The following ARHGAP17 variants were observed in gnomAD, a reference collection of about 807,000 sequenced individuals.
ARHGAP17 encodes the protein Rho GTPase activating protein 17.
ARHGAP17 carries 57 observed loss-of-function variants against 99.5 expected under a neutral mutation model. The ratio of observed to expected loss-of-function variants is 0.57; its 90% confidence interval spans 0.46 to 0.71. The LOEUF (loss-of-function observed/expected upper bound fraction) is 0.71, where lower values mean the gene tolerates loss of function less well. Ranked by LOEUF, ARHGAP17 falls within the 30% of genes least tolerant of loss-of-function variation. ARHGAP17 has a pLI of 0.00. For missense variants in ARHGAP17, 1,000 were observed against 1,122.4 expected (o/e 0.89, Z 1.56); for synonymous variants, 417 against 429.6 (o/e 0.97, Z 0.36).
intron 1 of ARHGAP17, among the ~76,000 whole-genome samples, chr16:25,008,068 T>C (rs2053553232): frequency 6.6e-6 from 1 of 152,200 alleles, no homozygotes; most frequent in African/African-American, 2.4e-5. Flanking sequence ...GTTTCCAACC[T>C]TTGGGAATAT....
chr16:24,930,883 G>A lies in ARHGAP17; in HGVS notation c.2416C>T (p.Arg806Trp), dbSNP rs1385488478. 5.0e-6 allele frequency: 8 copies of A among 1,613,862 alleles called. No homozygotes were observed. Among genetic ancestry groups the A allele is most frequent in the African/African-American group, 2.7e-5 (2 of 74,842 alleles). Residue 806 changes from arginine (R) to tryptophan (W), a missense_variant, in exon 19 of 20, where the codon CGG becomes TGG. Arg to Trp is a moderately radical substitution (Grantham distance 101, BLOSUM62 -3). This residue lies in a region of ARHGAP17 where 528 missense variants were observed against 511.4 expected (regional missense o/e 1.03). Coordinates refer to ENST00000289968, the MANE Select transcript of ARHGAP17 (RefSeq NM_001006634.3). ...RPRPVPKPRN[R>W]PSVPPPPQPP... ...TGGGGGGGTGGGGGCACGCTGGGCC[G>A]GTTCCTTGGCTTTGGTACTGGTCTC...
chr16:25,015,139 T>TTGGGGG, intron 1 of ARHGAP17, 70 bp downstream of exon 1: 1 of 1,195,764 alleles, frequency 8.4e-7, no homozygotes, highest in Non-Finnish European at 1.0e-6. Flanking sequence ...GGAGGAGCCG[T>TTGGGGG]CCCGCCCCCG....
chr16:24,977,483 C>G (rs950899830), intron 2 of ARHGAP17, 164 bp from the exon 3 acceptor site: 50 of 465,288 alleles, frequency 1.1e-4, no homozygotes, highest in Non-Finnish European at 1.7e-4. Context: ...CACACTACAG[C>G]ACCAGAAAAG....
chr16:24,923,784 C>T (rs2050775427), intron 19 of ARHGAP17, among the ~76,000 whole-genome samples: 1 of 150,916 alleles, frequency 6.6e-6, no homozygotes, highest in African/African-American at 2.4e-5. Flanking sequence ...TAACCAGCCT[C>T]AGCCCAAAGG....
At chr16:24,991,971 T>C (rs887442833) in intron 1 of ARHGAP17, among the ~76,000 whole-genome samples, 9 of 152,118 alleles carry the variant, frequency 5.9e-5, no homozygotes, top group Non-Finnish European at 1.2e-4. Context: ...GGGGCACAGA[T>C]AGAAGAGTGA....
At chr16:24,959,544 C>T in intron 9 of ARHGAP17, 127 bp downstream of exon 9, 1 of 839,800 alleles carries the variant, frequency 1.2e-6, no homozygotes, top group Admixed American at 3.2e-5. Context: ...TGCTGGGAAA[C>T]AGTACCCTCC....
At chr16:25,015,009 TGA>T (rs1052560505) in intron 1 of ARHGAP17, among the ~76,000 whole-genome samples, 198 bp downstream of exon 1, 8 of 150,582 alleles carry the variant, frequency 5.3e-5, no homozygotes, top group African/African-American at 2.4e-5. Flanking sequence ...CCGGCGGCGC[TGA>T]GAGACAGGCG....
Position 24,939,349 on chromosome 16 carries a change from A to T in ARHGAP17, c.1724+15T>A. ...GCGTCCAGCCTCCACTGCCAGCAGA[A>T]GTCAGCCTCCTTACCTGCCGTCGCC... On this transcript the variant is annotated intron_variant, in intron 17 of 19. Transcript: ENST00000289968. 2.5e-6 allele frequency: 4 copies of T among 1,580,948 alleles called. No individual in the cohort carries two copies. Among genetic ancestry groups the T allele is most frequent in the Non-Finnish European group, 3.4e-6 (4 of 1,171,254 alleles).
At chr16:24,979,729 G>C (rs1351081373) in intron 1 of ARHGAP17, among the ~76,000 whole-genome samples, 1 of 138,660 alleles carries the variant, frequency 7.2e-6, no homozygotes, top group African/African-American at 2.8e-5. Context: ...ATTATTATTT[G>C]AGACAGAGTC....
intron 13 of ARHGAP17, among the ~76,000 whole-genome samples, chr16:24,948,656 T>G (rs1312316075): frequency 1.3e-5 from 2 of 152,026 alleles, no homozygotes; most frequent in African/African-American, 4.8e-5. Context: ...AAAGGCAGTA[T>G]GTAGCTTAGC....
intron 1 of ARHGAP17, among the ~76,000 whole-genome samples, chr16:25,014,851 G>A (rs893858560): frequency 6.6e-6 from 1 of 152,258 alleles, no homozygotes; most frequent in Admixed American, 6.5e-5. Flanking sequence ...GCCCAGGGCA[G>A]CGATCCCAGC....
rs1435220903 is a variant in ARHGAP17, at chr16:24,929,673, AAAAC to A, written c.2515+1107_2515+1110del. 1.4e-5 allele frequency: 14 copies of A among 987,728 alleles called. No individual in the cohort carries two copies. In the Admixed American group the frequency reaches 1.8e-4, roughly 13 times the overall value. 61.2% of individuals were successfully genotyped at this position (987,728 alleles called of 1,614,324 possible). A position where few individuals can be genotyped will look rare whatever the true frequency, so the allele number is the denominator to read the frequency against. ...CTAGGAAGGGCATCTATTGGGAAAC[AAAAC>A]AAACAAACCAACATGGCTTTGTTGT... is the stretch of plus-strand genomic sequence containing the variant. On this transcript the variant is annotated intron_variant, in intron 19 of 19. Transcript: ENST00000289968.
intron 9 of ARHGAP17, among the ~76,000 whole-genome samples, chr16:24,958,201 T>C (rs536789347): frequency 1.2e-4 from 19 of 152,094 alleles, no homozygotes; most frequent in African/African-American, 3.9e-4. Context: ...AGAGTTCTAG[T>C]CTAGCCTGGG....
rs2053758737 is a variant in ARHGAP17 at position 25,015,319 on chromosome 16, TG to T, written c.-59del. On this transcript the variant is annotated 5_prime_UTR_variant, in exon 1 of 20. Coordinates refer to ENST00000289968, the MANE Select transcript of ARHGAP17 (RefSeq NM_001006634.3). Reference sequence around the variant, plus strand: ...GGGCCGGGCAGGGCGGGGGACAGCCTGGCAGCTACTACATCGCTTCCCGGCC... The same window carrying T: ...GGGCCGGGCAGGGCGGGGGACAGCCTGCAGCTACTACATCGCTTCCCGGCC... 1 of 1,250,790 alleles carries T rather than the reference TG, an allele frequency of 8.0e-7. No individual in the cohort carries two copies. The highest frequency in any genetic ancestry group is 1.0e-6 in the Non-Finnish European group (1 of 992,488). 77.5% of individuals were successfully genotyped at this position (1,250,790 alleles called of 1,614,324 possible). A position where few individuals can be genotyped will look rare whatever the true frequency, so the allele number is the denominator to read the frequency against.
At chr16:24,950,836 CAAAA>C (rs1177614713) in intron 12 of ARHGAP17, among the ~76,000 whole-genome samples, 10 of 39,440 alleles carry the variant, frequency 2.5e-4, no homozygotes, top group African/African-American at 7.3e-4. Flanking sequence ...GACTCCAACT[CAAAA>C]AAAAAAAAAA....
Position 24,949,487 on chromosome 16 carries a change from G to A in ARHGAP17, c.1047-3C>T. The A allele has an allele frequency of 6.2e-7, 1 of 1,611,592 alleles. No homozygotes were observed. The highest frequency in any genetic ancestry group is 8.5e-7 in the Non-Finnish European group (1 of 1,179,300). On this transcript the variant is annotated splice_region_variant and splice_polypyrimidine_tract_variant and intron_variant, in intron 12 of 19. Coordinates refer to ENST00000289968, the MANE Select transcript of ARHGAP17 (RefSeq NM_001006634.3). The stretch of plus-strand genomic sequence containing the variant: ...GTTTTTTGTCTTGATCCTGCACACT[G>A]AGAACAAAAACTTTTAAGTACAACA...
intron 18 of ARHGAP17, among the ~76,000 whole-genome samples, chr16:24,932,842 C>T (rs1171681908): frequency 6.6e-6 from 1 of 151,940 alleles, no homozygotes; most frequent in African/African-American, 2.4e-5. Context: ...CTTTTTCAAA[C>T]TCTGCTAAGA....
intron 10 of ARHGAP17, 127 bp downstream of exon 10, chr16:24,954,475 TC>T: frequency 7.5e-7 from 1 of 1,341,484 alleles, no homozygotes; most frequent in Non-Finnish European, 1.0e-6. Context: ...AAGCCACTGT[TC>T]TACACAAAAC....
At chr16:24,935,166 G>T (rs927901754) in intron 18 of ARHGAP17, among the ~76,000 whole-genome samples, 4 of 152,182 alleles carry the variant, frequency 2.6e-5, no homozygotes, top group African/African-American at 9.7e-5. Context: ...AAGTACAGAG[G>T]CTGTGGTAGT....
Sources: gnomAD v4.1 joint callset for allele counts (sites outside exome capture counted in the v4.1 genomes callset) on GRCh38, gnomAD v4.1.1 for gene constraint, gnomAD v4.1.1 regional missense constraint, MANE v1.5 for transcripts, NCBI Gene and HGNC (gene_info 2026-07-23, HGNC 2026-07-21) for gene names.